SPEN: variants seen among roughly 807,000 people sequenced by gnomAD.
SPEN encodes the protein spen family transcriptional repressor.
A neutral mutation model predicts 269.9 loss-of-function variants in SPEN; 18 were observed. The observed-to-expected ratio is 0.07, with a 90% CI of 0.05 to 0.10. SPEN has a LOEUF of 0.10. Among genes scored for constraint, SPEN ranks in the 10% least tolerant of loss-of-function variants. SPEN has a pLI of 1.00. For synonymous variants in SPEN, 1,726 were observed against 1,765.7 expected (o/e 0.98, Z 0.56); for missense variants, 3,822 against 4,631.2 (o/e 0.83, Z 5.07).
intron 3 of SPEN, among the ~76,000 whole-genome samples, chr1:15,904,872 TG>T (rs1224772237): frequency 6.6e-6 from 1 of 152,132 alleles, no homozygotes; most frequent in Non-Finnish European, 1.5e-5. Flanking sequence ...CACCATTGAT[TG>T]ATTATCTTTG....
chr1:15,901,582 G>A (rs1015208771), intron 3 of SPEN, among the ~76,000 whole-genome samples: 2 of 149,928 alleles, frequency 1.3e-5, no homozygotes, highest in Non-Finnish European at 3.0e-5. Flanking sequence ...CCTGGGGATC[G>A]GAAGTTGCAG....
chr1:15,877,603 G>A (rs1202019715), intron 3 of SPEN, among the ~76,000 whole-genome samples: 2 of 151,988 alleles, frequency 1.3e-5, no homozygotes, highest in African/African-American at 2.4e-5. Context: ...AGTAAGTTGA[G>A]GGTAATCTTA....
At chr1:15,904,704 C>T (rs1434404607) in intron 3 of SPEN, among the ~76,000 whole-genome samples, 2 of 149,488 alleles carry the variant, frequency 1.3e-5, no homozygotes, top group East Asian at 2.0e-4. Context: ...TCACCTGACT[C>T]GGCCTCCCAA....
chr1:15,928,440 C>T lies in SPEN; in HGVS notation c.2200C>T (p.Pro734Ser), dbSNP rs748929130. 2.5e-6 allele frequency: 4 copies of T among 1,614,114 alleles called. No individual in the cohort carries two copies. The highest frequency in any genetic ancestry group is 3.4e-6 in the Non-Finnish European group (4 of 1,180,024). Residue 734 changes from proline (P) to serine (S), a missense_variant, in exon 11 of 15, where the codon CCA becomes TCA. Coordinates refer to ENST00000375759, the MANE Select transcript of SPEN (RefSeq NM_015001.3). This position sits in a 1 kb window ranked among gnomAD's most constrained non-coding sequence, Gnocchi z 5.7. ...RSQSPVHLRR[P>S]QSPGASPSQA... ...TCAAAGTCCTGTTCACTTGCGACGT[C>T]CACAGAGTCCTGGAGCGTCTCCCTC...
rs772065708 is a variant in SPEN at position 15,931,299 on chromosome 1, T to C, written c.5059T>C (p.Ser1687Pro). The change falls in exon 11 of 15, where the codon TCT (serine) becomes CCT (proline). Residue 1687 changes from serine (S) to proline (P), a missense_variant. Physicochemically the swap from Ser to Pro is moderately conservative, Grantham distance 74 (BLOSUM62 -1). Coordinates refer to ENST00000375759, the MANE Select transcript of SPEN (RefSeq NM_015001.3). The surrounding 1 kb of genome is among the most constrained non-coding windows in gnomAD (Gnocchi z 4.8). ...ATVSEEAKPASEPAPAPVEQL... is the reference protein window; with the variant it reads ...ATVSEEAKPAPEPAPAPVEQL... ...CGTCTCAGAAGAAGCAAAGCCTGCA[T>C]CTGAACCTGCTCCTGCCCCTGTGGA... 1.9e-6 allele frequency: 3 copies of C among 1,614,038 alleles called. No individual in the cohort carries two copies. The highest frequency in any genetic ancestry group is 2.5e-6 in the Non-Finnish European group (3 of 1,180,034).
Position 15,931,755 on chromosome 1 carries a change from C to A in SPEN, c.5515C>A (p.Pro1839Thr), listed in dbSNP as rs778495367. 1 of 1,614,044 alleles carries A rather than the reference C, an allele frequency of 6.2e-7. No homozygotes were observed. The highest frequency in any genetic ancestry group is 8.5e-7 in the Non-Finnish European group (1 of 1,179,960). Residue 1839 changes from proline (P) to threonine (T), a missense_variant, in exon 11 of 15, where the codon CCC becomes ACC. By Grantham distance (38) the Pro-to-Thr change is conservative (BLOSUM62 -1). This residue lies in a region of SPEN where 533 missense variants were observed against 618.8 expected (regional missense o/e 0.86). Coordinates refer to ENST00000375759, the MANE Select transcript of SPEN (RefSeq NM_015001.3). The surrounding 1 kb of genome is among the most constrained non-coding windows in gnomAD (Gnocchi z 4.8). Reference sequence around the variant, plus strand: ...AGCTGCAGTGAGTATCGTGGAGAAGCCCGTCACAAGGAAGAGTGAGAGGAT... The same window carrying A: ...AGCTGCAGTGAGTATCGTGGAGAAGACCGTCACAAGGAAGAGTGAGAGGAT... ...QAAAVSIVEK[P>T]VTRKSERIDR...
In SPEN at chr1:15,933,052, G is replaced by T; in HGVS notation, c.6812G>T (p.Gly2271Val). The change falls in exon 11 of 15, where the codon GGC (glycine) becomes GTC (valine). Residue 2271 changes from glycine to valine, a missense_variant. Gly to Val is a moderately radical substitution (Grantham distance 109). Coordinates refer to ENST00000375759, the MANE Select transcript of SPEN (RefSeq NM_015001.3). The surrounding 1 kb of genome is among the most constrained non-coding windows in gnomAD (Gnocchi z 5.7). Reference sequence around the variant, plus strand: ...ATGGAGACAGATGAGGCTGTATCTGGCATCCTGGAAACTGAGGCTGCTACA... The same window carrying T: ...ATGGAGACAGATGAGGCTGTATCTGTCATCCTGGAAACTGAGGCTGCTACA... ...EGMETDEAVS[G>V]ILETEAATES... The T allele has an allele frequency of 6.2e-7, 1 of 1,614,084 alleles. No individual in the cohort carries two copies.
rs1394849256 is a variant in SPEN, at chr1:15,847,737, G to C, written c.-331G>C. Reference sequence around the variant, plus strand: ...GAAGCGTCCGGCTGCCACAGCGCCAGCTCCGTCGTAGTCGCTGCCGCCCGT... The same window carrying C: ...GAAGCGTCCGGCTGCCACAGCGCCACCTCCGTCGTAGTCGCTGCCGCCCGT... On this transcript the variant is annotated 5_prime_UTR_variant, in exon 1 of 15. Transcript: ENST00000375759. The C allele has an allele frequency of 5.9e-6, 1 of 170,602 alleles. No individual in the cohort carries two copies. The highest frequency in any genetic ancestry group is 1.3e-5 in the Non-Finnish European group (1 of 79,548). 10.6% of individuals were successfully genotyped at this position (170,602 alleles called of 1,614,324 possible). A position where few individuals can be genotyped will look rare whatever the true frequency, so the allele number is the denominator to read the frequency against.
At chr1:15,874,092 C>G in intron 2 of SPEN, 1 of 1,348,064 alleles carries the variant, frequency 7.4e-7, no homozygotes, top group Non-Finnish European at 9.9e-7. Flanking sequence ...CTACCTGATT[C>G]ATACTTAGGG....
chr1:15,933,718 G>T lies in SPEN; in HGVS notation c.7478G>T (p.Ser2493Ile), dbSNP rs372436193. The T allele has an allele frequency of 1.2e-6, 2 of 1,613,944 alleles. No homozygotes were observed. Among genetic ancestry groups the T allele is most frequent in the Non-Finnish European group, 1.7e-6 (2 of 1,180,000 alleles). The change falls in exon 11 of 15, where the codon AGC becomes ATC. Residue 2493 changes from serine to isoleucine, a missense_variant. Ser to Ile is a moderately radical substitution (Grantham distance 142). Coordinates refer to ENST00000375759, the MANE Select transcript of SPEN (RefSeq NM_015001.3). The surrounding 1 kb of genome is among the most constrained non-coding windows in gnomAD (Gnocchi z 5.7). ...PVASGGIPHQ[S>I]PPTKVTEWIT... Reference sequence around the variant, plus strand: ...GCCTCTGGGGGGATCCCACACCAGAGCCCCCCTACTAAGGTGACAGAGTGG... The same window carrying T: ...GCCTCTGGGGGGATCCCACACCAGATCCCCCCTACTAAGGTGACAGAGTGG...
At position 15,938,782 on chromosome 1, in the gene SPEN, G is replaced by A; in HGVS notation, c.10769G>A (p.Ser3590Asn). 4 of 1,614,018 alleles carry A rather than the reference G, an allele frequency of 2.5e-6. No individual in the cohort carries two copies. The highest frequency in any genetic ancestry group is 3.4e-6 in the Non-Finnish European group (4 of 1,180,020). Residue 3590 changes from serine to asparagine, a missense_variant, in exon 14 of 15, where the codon AGC becomes AAC. Around this residue, in one of 16 missense-constraint regions of SPEN, gnomAD observed 103 missense variants for 215.8 expected, o/e 0.48. Transcript: ENST00000375759. ...GGCCGTGACCAAGAGGATGTTGTGA[G>A]CCAGACCGAGTCCCTCAAGGCTGCC... is the stretch of plus-strand genomic sequence containing the variant. ...PCGRDQEDVV[S>N]QTESLKAAFI...
intron 3 of SPEN, among the ~76,000 whole-genome samples, chr1:15,882,899 G>A (rs1363121177): frequency 6.6e-6 from 1 of 152,088 alleles, no homozygotes; most frequent in African/African-American, 2.4e-5. Context: ...AGCCCCCCTG[G>A]GGCTCTTGGT....
At chr1:15,893,597 A>T (rs1021697144) in intron 3 of SPEN, among the ~76,000 whole-genome samples, 10 of 152,258 alleles carry the variant, frequency 6.6e-5, no homozygotes, top group Admixed American at 1.3e-4. Context: ...CAACTGCCCT[A>T]ATGGAGAGTT....
At chr1:15,850,532 A>G (rs1363173103) in intron 1 of SPEN, among the ~76,000 whole-genome samples, 1 of 152,064 alleles carries the variant, frequency 6.6e-6, no homozygotes, top group African/African-American at 2.4e-5. Flanking sequence ...CAGTTGCCAC[A>G]CTTCCTCCCC....
intron 3 of SPEN, among the ~76,000 whole-genome samples, chr1:15,878,875 T>C (rs1391106985): frequency 6.6e-6 from 1 of 150,856 alleles, no homozygotes; most frequent in African/African-American, 2.4e-5. Flanking sequence ...CCAGGCATGG[T>C]GGCACATGCC....
intron 3 of SPEN, among the ~76,000 whole-genome samples, chr1:15,881,537 C>T (rs2070687377): frequency 6.6e-6 from 1 of 152,268 alleles, no homozygotes; most frequent in African/African-American, 2.4e-5. Context: ...ATCACAGAAC[C>T]TAGTATATTG....
Position 15,932,186 on chromosome 1 carries a change from G to T in SPEN, c.5946G>T (p.Arg1982=). Residue 1982 remains arginine, a synonymous_variant, in exon 11 of 15, where the codon CGG becomes CGT. Coordinates refer to ENST00000375759, the MANE Select transcript of SPEN (RefSeq NM_015001.3). This position sits in a 1 kb window ranked among gnomAD's most constrained non-coding sequence, Gnocchi z 4.2. ...CACTCAAGCCACCTGAGGGATGGCG[G>T]TCGCCAAGGTCCCAGAAAACTGCAG... The part of the protein sequence containing the change: ...AETLKPPEGW[R]SPRSQKTAAG... 6.2e-7 allele frequency: 1 copy of T among 1,611,912 alleles called. No homozygotes were observed. The highest frequency in any genetic ancestry group is 8.5e-7 in the Non-Finnish European group (1 of 1,179,362).
Position 15,939,864 on chromosome 1 carries a change from G to A in SPEN, c.*437G>A, listed in dbSNP as rs1387599709. The A allele has an allele frequency of 1.2e-4, 28 of 233,954 alleles. No homozygotes were observed. The East Asian group carries it at 1.6e-3, about 13-fold the overall frequency. 14.5% of individuals were successfully genotyped at this position (233,954 alleles called of 1,614,324 possible). ...GTCTTGGTGTGTGTAGACACACATT[G>A]CAGACTCTTAACGCAGGAAGGACTT... is the stretch of plus-strand genomic sequence containing the variant. On this transcript the variant is annotated 3_prime_UTR_variant, in exon 15 of 15. Coordinates refer to ENST00000375759, the MANE Select transcript of SPEN (RefSeq NM_015001.3). The surrounding 1 kb of genome is among the most constrained non-coding windows in gnomAD (Gnocchi z 4.1).
intron 2 of SPEN, 144 bp downstream of exon 2, chr1:15,873,280 T>C: frequency 7.1e-7 from 1 of 1,399,626 alleles, no homozygotes; most frequent in South Asian, 1.7e-5. Flanking sequence ...AAGTGATTTA[T>C]ATCCCAATGG....
Sources: allele counts gnomAD v4.1 joint callset (sites outside exome capture counted in the v4.1 genomes callset), GRCh38; gene constraint gnomAD v4.1.1; regional missense constraint gnomAD v4.1.1; non-coding constraint Gnocchi (gnomAD v3.1); transcripts MANE v1.5; gene names NCBI Gene and HGNC (gene_info 2026-07-23, HGNC 2026-07-21).